EPS15: variants seen among roughly 807,000 people sequenced by gnomAD.
The protein encoded by EPS15 is epidermal growth factor receptor pathway substrate 15.
EPS15 carries 72 observed loss-of-function variants against 113.8 expected under a neutral mutation model. That is an observed-to-expected ratio of 0.63 (90% CI 0.52 to 0.77). The LOEUF (loss-of-function observed/expected upper bound fraction) is 0.77. EPS15 is among the 30% of genes least tolerant of loss of function. The pLI is 0.00. For missense variants in EPS15, 1,048 were observed against 1,045.8 expected (o/e 1.00, Z -0.03); for synonymous variants, 344 against 363.4 (o/e 0.95, Z 0.61).
At chr1:51,379,478 G>A (rs1363805474) in intron 21 of EPS15, among the ~76,000 whole-genome samples, 1 of 152,130 alleles carries the variant, frequency 6.6e-6, no homozygotes, top group Non-Finnish European at 1.5e-5. Flanking sequence ...GGGAGTAGGG[G>A]AATATATTGA....
At chr1:51,426,028 A>G (rs972601947) in intron 12 of EPS15, among the ~76,000 whole-genome samples, 1 of 152,094 alleles carries the variant, frequency 6.6e-6, no homozygotes, top group African/African-American at 2.4e-5. Flanking sequence ...TCTACTCTCT[A>G]CTTTTAGAAA....
chr1:51,470,918 A>G (rs1198461336), intron 4 of EPS15, among the ~76,000 whole-genome samples: 1 of 152,140 alleles, frequency 6.6e-6, no homozygotes, highest in African/African-American at 2.4e-5. Context: ...GTGGGCCCCT[A>G]TGAATTTTGT....
chr1:51,460,907 T>C (rs376477793), intron 8 of EPS15, 184 bp downstream of exon 8: 9 of 482,486 alleles, frequency 1.9e-5, no homozygotes, highest in East Asian at 1.2e-4. Context: ...TGAGCCAAGA[T>C]TGTGCCACTG....
chr1:51,422,282 ATAC>A (rs1414128674), intron 12 of EPS15, among the ~76,000 whole-genome samples: 1 of 152,212 alleles, frequency 6.6e-6, no homozygotes, highest in Admixed American at 6.5e-5. Context: ...ACAGTCAACA[ATAC>A]TAAGGAAAAA....
At chr1:51,499,108 T>C (rs1377024558) in intron 1 of EPS15, among the ~76,000 whole-genome samples, 1 of 152,224 alleles carries the variant, frequency 6.6e-6, no homozygotes, top group African/African-American at 2.4e-5. Context: ...ACACTGAATC[T>C]GCTAGCACCT....
At chr1:51,452,344 G>A (rs571789188) in intron 8 of EPS15, among the ~76,000 whole-genome samples, 23 of 152,188 alleles carry the variant, frequency 1.5e-4, no homozygotes, top group African/African-American at 4.8e-4. Flanking sequence ...ATGCAGTGGC[G>A]AGAACACAGC....
At chr1:51,423,524 TC>T in intron 12 of EPS15, 8 of 984,996 alleles carry the variant, frequency 8.1e-6, no homozygotes, top group Non-Finnish European at 9.6e-6. Flanking sequence ...TCTAGCACCC[TC>T]CCCCCATCCC....
intron 21 of EPS15, among the ~76,000 whole-genome samples, chr1:51,379,788 G>A (rs1412632002): frequency 2.6e-5 from 4 of 152,042 alleles, no homozygotes; most frequent in Admixed American, 2.6e-4. Flanking sequence ...ATGGCTGGGC[G>A]TGGTGGCTCA....
chr1:51,489,554 G>C (rs1022602465), intron 1 of EPS15, among the ~76,000 whole-genome samples: 9 of 152,002 alleles, frequency 5.9e-5, no homozygotes, highest in Non-Finnish European at 1.3e-4. Flanking sequence ...CTGGCCTCAG[G>C]TGACTAGTAC....
At chr1:51,395,961 G>C (rs1647892701) in intron 20 of EPS15, among the ~76,000 whole-genome samples, 1 of 152,088 alleles carries the variant, frequency 6.6e-6, no homozygotes, top group Non-Finnish European at 1.5e-5. Context: ...AAATCTCCAA[G>C]TTAAAAAAAT....
At chr1:51,458,221 G>C (rs1200267180) in intron 8 of EPS15, 2 of 151,732 alleles carry the variant, frequency 1.3e-5, no homozygotes, top group Non-Finnish European at 2.9e-5. Flanking sequence ...AAGATAAAGG[G>C]GTGTCTACTA....
chr1:51,467,784 A>T (rs1206695256), intron 5 of EPS15, among the ~76,000 whole-genome samples: 1 of 152,086 alleles, frequency 6.6e-6, no homozygotes, highest in African/African-American at 2.4e-5. Context: ...GTTGCATGCT[A>T]CTTATAAGAA....
intron 12 of EPS15, 64 bp downstream of exon 12, chr1:51,440,283 G>GTA (rs1024325533): frequency 2.3e-6 from 1 of 436,834 alleles, no homozygotes; most frequent in African/African-American, 4.2e-5. Flanking sequence ...TGTACTGTGT[G>GTA]TGTGTGTGTG....
intron 21 of EPS15, among the ~76,000 whole-genome samples, chr1:51,387,738 G>A (rs1283193649): frequency 6.6e-6 from 1 of 152,124 alleles, no homozygotes; most frequent in Non-Finnish European, 1.5e-5. Flanking sequence ...ATTACATAAT[G>A]GTAAAGGGAT....
chr1:51,371,142 C>T (rs553107275), intron 21 of EPS15, among the ~76,000 whole-genome samples: 1 of 152,228 alleles, frequency 6.6e-6, no homozygotes, highest in African/African-American at 2.4e-5. Flanking sequence ...TGGTCTCGAA[C>T]TCCCAACCTC....
intron 13 of EPS15, among the ~76,000 whole-genome samples, chr1:51,414,876 T>C (rs1650065103): frequency 6.6e-6 from 1 of 152,216 alleles, no homozygotes; most frequent in African/African-American, 2.4e-5. Context: ...AAGAAATTTA[T>C]ACATATTTGT....
intron 1 of EPS15, among the ~76,000 whole-genome samples, chr1:51,500,138 G>A (rs1362566602): frequency 6.6e-6 from 1 of 152,094 alleles, no homozygotes; most frequent in African/African-American, 2.4e-5. Flanking sequence ...CCCTTCTTAA[G>A]AGTCAAAAAT....
intron 3 of EPS15, 130 bp from the exon 4 acceptor site, chr1:51,471,867 T>C (rs987556811): frequency 2.4e-4 from 181 of 744,498 alleles, no homozygotes; most frequent in Non-Finnish European, 3.6e-4. Context: ...GAATTAAGAG[T>C]GGAAAGAACC....
intron 17 of EPS15, among the ~76,000 whole-genome samples, chr1:51,402,977 T>G (rs1648724850): frequency 6.6e-6 from 1 of 152,168 alleles, no homozygotes; most frequent in African/African-American, 2.4e-5. Flanking sequence ...TTTAACACAT[T>G]TTTCTCTTTC....
Sources: gnomAD v4.1 joint callset for allele counts (sites outside exome capture counted in the v4.1 genomes callset) on GRCh38, gnomAD v4.1.1 for gene constraint, MANE v1.5 for transcripts, NCBI Gene and HGNC (gene_info 2026-07-23, HGNC 2026-07-21) for gene names.